The following CSMD3 variants were observed in gnomAD, a reference collection of about 807,000 sequenced individuals.
CSMD3 encodes the protein CUB and Sushi multiple domains 3.
In CSMD3, 177 loss-of-function variants were observed where a neutral mutation model predicts 435.2. That is an observed-to-expected ratio of 0.41 (90% CI 0.36 to 0.46). The LOEUF is 0.46. Among genes scored for constraint, CSMD3 ranks in the 20% least tolerant of loss-of-function variants. CSMD3 has a pLI of 0.34. For synonymous variants in CSMD3, 1,656 were observed against 1,520.5 expected, an observed-to-expected ratio of 1.09 and a Z score of -2.07; for missense variants, 4,265 against 4,504.6, an observed-to-expected ratio of 0.95 and a Z score of 1.52.
chr8:113,267,519 ACTTATATGTGGGAT>A (rs2093481117), intron 3 of CSMD3, among the ~76,000 whole-genome samples: 1 of 151,734 alleles, frequency 6.6e-6, no homozygotes, highest in Non-Finnish European at 1.5e-5. Context: ...GCATCTTTTT[ACTTATATGTGGGAT>A]CTAAGATATT....
intron 22 of CSMD3, among the ~76,000 whole-genome samples, chr8:112,590,438 A>G (rs751162798): frequency 5.9e-5 from 9 of 151,376 alleles, no homozygotes; most frequent in Non-Finnish European, 8.8e-5. Flanking sequence ...TAAAAACATT[A>G]TTGGAGGGGG....
intron 3 of CSMD3, among the ~76,000 whole-genome samples, chr8:113,249,227 C>T (rs1019971809): frequency 6.6e-5 from 10 of 152,032 alleles, no homozygotes; most frequent in Admixed American, 6.6e-4. Flanking sequence ...AACTGTGAGT[C>T]AATTTTCTCT....
intron 36 of CSMD3, 59 bp from the exon 37 acceptor site, chr8:112,383,722 A>T: frequency 1.0e-6 from 1 of 1,002,660 alleles, no homozygotes; most frequent in South Asian, 1.3e-5. Flanking sequence ...ACATAACTAT[A>T]GTCCACCAAT....
chr8:112,665,223 T>G (rs1554645756), intron 17 of CSMD3, among the ~76,000 whole-genome samples: 1 of 152,270 alleles, frequency 6.6e-6, no homozygotes, highest in East Asian at 1.9e-4. Context: ...TGTCTATAAA[T>G]ACTTTCTGCC....
chr8:113,190,871 T>C lies in CSMD3; in HGVS notation c.515-16955A>G, dbSNP rs548247855. Among the ~76,000 whole-genome samples the C allele has an allele frequency of 3.5e-3, 536 of 151,956 alleles. 1 individual carries two copies. The highest frequency in any genetic ancestry group is 4.8e-3 in the Non-Finnish European group (329 of 67,870). ...ATGACATTAACAATTTCCTGTCTTT[T>C]ATTTTTCATTTATTTCATATTGAGT... On this transcript the variant is annotated intron_variant, in intron 3 of 70. Coordinates refer to ENST00000297405, the MANE Select transcript of CSMD3 (RefSeq NM_198123.2).
intron 53 of CSMD3, among the ~76,000 whole-genome samples, chr8:112,299,648 C>T (rs1820716483): frequency 6.6e-6 from 1 of 152,008 alleles, no homozygotes; most frequent in Non-Finnish European, 1.5e-5. Context: ...ATGCACCATA[C>T]TTAGAGAAAC....
At chr8:112,470,956 C>T (rs1025106234) in intron 32 of CSMD3, among the ~76,000 whole-genome samples, 2 of 152,006 alleles carry the variant, frequency 1.3e-5, no homozygotes, top group South Asian at 2.1e-4. Flanking sequence ...ATTGGCTCAA[C>T]GTAGCAGTTT....
chr8:113,122,587 A>C (rs2091015749), intron 4 of CSMD3, among the ~76,000 whole-genome samples: 1 of 152,022 alleles, frequency 6.6e-6, no homozygotes, highest in African/African-American at 2.4e-5. Flanking sequence ...GGGGAAGAAG[A>C]GGGAGAAGAA....
chr8:112,562,746 C>T, intron 24 of CSMD3, among the ~76,000 whole-genome samples: 1 of 151,522 alleles, frequency 6.6e-6, no homozygotes. Context: ...TCCATTTTGG[C>T]CATGAGTCTT....
intron 38 of CSMD3, among the ~76,000 whole-genome samples, chr8:112,372,566 T>C (rs1265479784): frequency 6.6e-6 from 1 of 152,080 alleles, no homozygotes; most frequent in Non-Finnish European, 1.5e-5. Flanking sequence ...AATCAGCCTA[T>C]CTGGCGGGCG....
rs752661370 is a variant in CSMD3 at position 112,656,192 on chromosome 8, T to C, written c.2966A>G (p.Asn989Ser). Residue 989 changes from asparagine to serine, a missense_variant, in exon 18 of 71, where the codon AAC becomes AGC. Transcript: ENST00000297405. Reference protein sequence around the residue: ...NFIYLLFTTDNSRSNNGFKIH... With the variant: ...NFIYLLFTTDSSRSNNGFKIH... ...CTTGAAACCATTATTGGAACGACTG[T>C]TGTCTGTTGTAAATAGAAGGTATAT... 27 of 1,583,074 alleles carry C rather than the reference T, an allele frequency of 1.7e-5. 1 individual carries two copies. In the Admixed American group the frequency reaches 2.7e-4, roughly 16 times the overall value.
chr8:112,267,144 T>C (rs1458472854), intron 59 of CSMD3, among the ~76,000 whole-genome samples: 1 of 152,172 alleles, frequency 6.6e-6, no homozygotes, highest in African/African-American at 2.4e-5. Context: ...GTATTTATTA[T>C]GTTATCATTA....
At chr8:112,992,354 A>G (rs1296426452) in intron 6 of CSMD3, among the ~76,000 whole-genome samples, 1 of 151,806 alleles carries the variant, frequency 6.6e-6, no homozygotes, top group East Asian at 1.9e-4. Flanking sequence ...GAGATAGGAA[A>G]GAAAAATGTC....
chr8:112,790,613 G>A (rs7839971), intron 13 of CSMD3, among the ~76,000 whole-genome samples: 2 of 151,796 alleles, frequency 1.3e-5, no homozygotes, highest in East Asian at 1.9e-4. Context: ...TTCCCCTATC[G>A]TAATCTCTAT....
chr8:113,130,196 AAAAT>A (rs1271016304), intron 4 of CSMD3, among the ~76,000 whole-genome samples: 4 of 152,116 alleles, frequency 2.6e-5, no homozygotes, highest in African/African-American at 9.7e-5. Context: ...AGATCAGAGA[AAAAT>A]AAAGCTAGGA....
At chr8:112,327,655 T>C (rs754437878) in intron 45 of CSMD3, among the ~76,000 whole-genome samples, 7 of 152,180 alleles carry the variant, frequency 4.6e-5, no homozygotes, top group Non-Finnish European at 7.4e-5. Flanking sequence ...TCATGTTATC[T>C]GACATGCCCC....
chr8:112,449,952 G>C (rs549986286), intron 32 of CSMD3, among the ~76,000 whole-genome samples: 3 of 152,226 alleles, frequency 2.0e-5, no homozygotes, highest in African/African-American at 7.2e-5. Flanking sequence ...TTGAACTCCT[G>C]ACCTCAGCTT....
At chr8:112,448,547 C>G (rs944289736) in intron 32 of CSMD3, among the ~76,000 whole-genome samples, 2 of 152,078 alleles carry the variant, frequency 1.3e-5, no homozygotes, top group Non-Finnish European at 2.9e-5. Context: ...CCAGCAAGCA[C>G]CAGAAACTAG....
intron 22 of CSMD3, among the ~76,000 whole-genome samples, chr8:112,594,573 AC>A (rs975431096): frequency 2.6e-5 from 4 of 152,208 alleles, no homozygotes; most frequent in Non-Finnish European, 5.9e-5. Context: ...CAGGGCACAA[AC>A]AAAAAGACAG....
Sources: gnomAD v4.1 joint callset for allele counts (sites outside exome capture counted in the v4.1 genomes callset) on GRCh38, gnomAD v4.1.1 for gene constraint, MANE v1.5 for transcripts, NCBI Gene and HGNC (gene_info 2026-07-23, HGNC 2026-07-21) for gene names.